The following TOP3A variants were observed in gnomAD, a reference collection of about 807,000 sequenced individuals.
The protein encoded by TOP3A is DNA topoisomerase III alpha.
Under a neutral mutation model 111.3 loss-of-function variants are expected in TOP3A, and 64 were observed. The ratio of observed to expected loss-of-function variants is 0.57; its 90% CI spans 0.47 to 0.71. TOP3A has a LOEUF of 0.71. Ranked by LOEUF, TOP3A falls within the 30% of genes least tolerant of loss-of-function variation. The pLI is 0.00. For missense variants in TOP3A, 1,104 were observed against 1,285.0 expected (o/e 0.86, Z 2.15); for synonymous variants, 484 against 485.1 (o/e 1.00, Z 0.03).
At chr17:18,311,248 C>A (rs1434543292) in intron 1 of TOP3A, among the ~76,000 whole-genome samples, 4 of 151,968 alleles carry the variant, frequency 2.6e-5, no homozygotes, top group African/African-American at 7.3e-5. Flanking sequence ...GATCCGCCCA[C>A]CTCAGCCTCC....
At chr17:18,311,242 C>A (rs887291830) in intron 1 of TOP3A, among the ~76,000 whole-genome samples, 1 of 151,928 alleles carries the variant, frequency 6.6e-6, no homozygotes, top group Non-Finnish European at 1.5e-5. Flanking sequence ...CCTCATGATC[C>A]GCCCACCTCA....
chr17:18,295,673 G>T (rs973190073), intron 9 of TOP3A, among the ~76,000 whole-genome samples: 5 of 151,464 alleles, frequency 3.3e-5, no homozygotes, highest in Non-Finnish European at 7.4e-5. Context: ...TGGCCAGGCT[G>T]GTCTCAAATT....
intron 17 of TOP3A, among the ~76,000 whole-genome samples, chr17:18,278,906 A>G (rs889762515): frequency 6.6e-6 from 1 of 152,192 alleles, no homozygotes; most frequent in African/African-American, 2.4e-5. Context: ...TGAACCTGGG[A>G]GTCAGAGGTT....
intron 9 of TOP3A, among the ~76,000 whole-genome samples, chr17:18,296,319 T>C (rs895475997): frequency 2.0e-5 from 3 of 152,180 alleles, no homozygotes; most frequent in African/African-American, 4.8e-5. Flanking sequence ...CGGTGGGTCA[T>C]GCCTCTAATC....
At chr17:18,310,405 G>A (rs999147694) in intron 1 of TOP3A, among the ~76,000 whole-genome samples, 7 of 152,160 alleles carry the variant, frequency 4.6e-5, no homozygotes, top group South Asian at 2.1e-4. Flanking sequence ...CAGCCTGAGC[G>A]ACAGTGAGAG....
At chr17:18,298,917 G>T (rs28428686) in intron 9 of TOP3A, among the ~76,000 whole-genome samples, 3,898 of 151,454 alleles carry the variant, frequency 0.026, 168 homozygotes, top group African/African-American at 0.084. Flanking sequence ...CAAACACTGC[G>T]GAAGGCCGCA....
At chr17:18,276,336 G>T (rs931286028) in intron 18 of TOP3A, among the ~76,000 whole-genome samples, 2 of 152,196 alleles carry the variant, frequency 1.3e-5, no homozygotes, top group African/African-American at 4.8e-5. Flanking sequence ...CCAGCCTGGA[G>T]GTCAGATACC....
chr17:18,288,472 AT>A (rs71841129), intron 13 of TOP3A, among the ~76,000 whole-genome samples: 16,869 of 152,002 alleles, frequency 0.11, 1,039 homozygotes, highest in South Asian at 0.18. Context: ...TATTATTATT[AT>A]TTTTTTGTAA....
intron 13 of TOP3A, among the ~76,000 whole-genome samples, chr17:18,290,092 G>A (rs571308714): frequency 6.6e-6 from 1 of 152,356 alleles, no homozygotes; most frequent in South Asian, 2.1e-4. Flanking sequence ...GTTCAGACCT[G>A]CAGAGACAGC....
Position 18,301,959 on chromosome 17 carries a change from C to T in TOP3A, c.841G>A (p.Val281Ile), listed in dbSNP as rs369254569. ...CGATGCCTTTTCCAGTTGAATTCTACGATACCATCTTTGTGGTCATGAGTT... is the reference window on the plus strand; with the variant it reads ...CGATGCCTTTTCCAGTTGAATTCTATGATACCATCTTTGTGGTCATGAGTT... ...KVTHDHKDGIVEFNWKRHRLF... is the reference protein window; with the variant it reads ...KVTHDHKDGIIEFNWKRHRLF... Residue 281 changes from valine to isoleucine, a missense_variant, in exon 8 of 19, where the codon GTA becomes ATA. Transcript: ENST00000321105. The T allele has an allele frequency of 9.9e-6, 16 of 1,613,982 alleles. No individual in the cohort carries two copies. Among genetic ancestry groups the T allele is most frequent in the Non-Finnish European group, 1.3e-5 (15 of 1,179,996 alleles).
chr17:18,314,794 C>T lies in TOP3A; in HGVS notation c.-16G>A, dbSNP rs1362285637. On this transcript the variant is annotated 5_prime_UTR_variant, in exon 1 of 19. Transcript: ENST00000321105. ...GAAAGATCATCCTCAGACCTCGCGCCCGGAGCCGCTCCCCGGCTGCCGGCG... is the reference window on the plus strand; with the variant it reads ...GAAAGATCATCCTCAGACCTCGCGCTCGGAGCCGCTCCCCGGCTGCCGGCG... The T allele has an allele frequency of 1.0e-5, 15 of 1,500,176 alleles. No individual in the cohort carries two copies. Among genetic ancestry groups the T allele is most frequent in the Non-Finnish European group, 1.3e-5 (15 of 1,119,928 alleles). 92.9% of individuals were successfully genotyped at this position (1,500,176 alleles called of 1,614,324 possible).
chr17:18,277,565 C>G, intron 18 of TOP3A, 110 bp downstream of exon 18: 1 of 1,294,654 alleles, frequency 7.7e-7, no homozygotes, highest in African/African-American at 1.5e-5. Context: ...CCCAGGTGCC[C>G]CTCCCAATCC....
At chr17:18,292,056 G>A (rs941660399) in intron 11 of TOP3A, among the ~76,000 whole-genome samples, 2 of 152,212 alleles carry the variant, frequency 1.3e-5, no homozygotes, top group African/African-American at 2.4e-5. Flanking sequence ...AAAGAAGGAG[G>A]AGAAGAACAA....
chr17:18,297,043 A>C (rs1443638200), intron 9 of TOP3A, among the ~76,000 whole-genome samples: 1 of 152,246 alleles, frequency 6.6e-6, no homozygotes, highest in African/African-American at 2.4e-5. Flanking sequence ...ACTAGTAATT[A>C]TGTAAGGATG....
In TOP3A at chr17:18,314,798, AGCCGCTCCCCGGCTGCCGGC is replaced by A; in HGVS notation, c.-40_-21del. Reference sequence around the variant, plus strand: ...GATCATCCTCAGACCTCGCGCCCGGAGCCGCTCCCCGGCTGCCGGCGCATCCTGGGGAAGCCAGAGATGAG... The same window carrying A: ...GATCATCCTCAGACCTCGCGCCCGGAGCATCCTGGGGAAGCCAGAGATGAG... On this transcript the variant is annotated 5_prime_UTR_variant, in exon 1 of 19. It removes the in-frame stop codon of an upstream open reading frame in the 5' UTR. Coordinates refer to ENST00000321105, the MANE Select transcript of TOP3A (RefSeq NM_004618.5). 6.7e-7 allele frequency: 1 copy of A among 1,494,196 alleles called. No homozygotes were observed. Among genetic ancestry groups the A allele is most frequent in the Non-Finnish European group, 9.0e-7 (1 of 1,117,266 alleles). The allele number at this position is 1,494,196 out of a possible 1,614,324, so 92.6% of individuals were successfully genotyped here.
chr17:18,293,328 C>G (rs1365467806), intron 10 of TOP3A, among the ~76,000 whole-genome samples: 1 of 152,236 alleles, frequency 6.6e-6, no homozygotes, highest in Non-Finnish European at 1.5e-5. Context: ...CTGTGGCACC[C>G]AGGCTGGAGT....
At chr17:18,287,257 G>C (rs1200864292) in intron 13 of TOP3A, among the ~76,000 whole-genome samples, 1 of 152,148 alleles carries the variant, frequency 6.6e-6, no homozygotes, top group Non-Finnish European at 1.5e-5. Flanking sequence ...AGTCTGGCTG[G>C]GCATGGTGGC....
At chr17:18,297,284 G>A (rs1055063934) in intron 9 of TOP3A, among the ~76,000 whole-genome samples, 1 of 152,186 alleles carries the variant, frequency 6.6e-6, no homozygotes, top group African/African-American at 2.4e-5. Context: ...AATTAGCCAG[G>A]CATGGTGGTG....
In TOP3A at chr17:18,287,187, T is replaced by G. The variant is rs143288790; in HGVS notation, c.1598-1667A>C. ...TTGAGGTAGGAGGACAGTTTGAGGGTGCAAGTTCAAGACCAGACTAGGCAA... is the reference window on the plus strand; with the variant it reads ...TTGAGGTAGGAGGACAGTTTGAGGGGGCAAGTTCAAGACCAGACTAGGCAA... On this transcript the variant is annotated intron_variant, in intron 13 of 18. Coordinates refer to ENST00000321105, the MANE Select transcript of TOP3A (RefSeq NM_004618.5). Among the ~76,000 whole-genome samples the G allele has an allele frequency of 8.3e-3, 1,269 of 152,030 alleles. 8 individuals are homozygous for G. Among genetic ancestry groups the G allele is most frequent in the Non-Finnish European group, 0.013 (879 of 67,968 alleles).
Sources: gnomAD v4.1 joint callset for allele counts (sites outside exome capture counted in the v4.1 genomes callset) on GRCh38, gnomAD v4.1.1 for gene constraint, MANE v1.5 for transcripts, NCBI Gene and HGNC (gene_info 2026-07-23, HGNC 2026-07-21) for gene names.